The following MMADHC variants were observed in gnomAD, a reference collection of about 807,000 sequenced individuals.
MMADHC encodes metabolism of cobalamin associated D, also known as cobalamin trafficking protein CblD.
Under a neutral mutation model 36.3 loss-of-function variants are expected in MMADHC, and 23 were observed. The observed-to-expected ratio is 0.63, with a 90% confidence interval of 0.46 to 0.90. The LOEUF is 0.90. Ranked by LOEUF, MMADHC falls within the 40% of genes least tolerant of loss-of-function variation. The pLI is 0.00. For synonymous variants in MMADHC, 97 were observed against 116.1 expected, an observed-to-expected ratio of 0.84 and a Z score of 1.06; for missense variants, 330 against 348.0, an observed-to-expected ratio of 0.95 and a Z score of 0.41.
At chr2:149,580,582 A>G (rs988030137) in intron 3 of MMADHC, among the ~76,000 whole-genome samples, 9 of 152,214 alleles carry the variant, frequency 5.9e-5, no homozygotes, top group African/African-American at 2.2e-4. Context: ...AAACAGAGGG[A>G]CAACTGCTAT....
Position 149,571,697 on chromosome 2 carries a change from G to A in MMADHC, c.610-526C>T, listed in dbSNP as rs937961383. Reference sequence around the variant, plus strand: ...CGGGAGGCTGAGGCAGGAGAATGGCGTGAACCCGGGAGGCAGAGCTTGCAG... The same window carrying A: ...CGGGAGGCTGAGGCAGGAGAATGGCATGAACCCGGGAGGCAGAGCTTGCAG... On this transcript the variant is annotated intron_variant, in intron 6 of 7. Coordinates refer to ENST00000303319, the MANE Select transcript of MMADHC (RefSeq NM_015702.3). Among the ~76,000 whole-genome samples the A allele has an allele frequency of 4.0e-5, 6 of 151,262 alleles. No homozygotes were observed. In the East Asian group the frequency reaches 9.8e-4, roughly 25 times the overall value.
In MMADHC at chr2:149,576,527, C is replaced by A. The variant is rs1682721277; in HGVS notation, c.388G>T (p.Val130Phe). ...VNEFQGNDAP[V>F]EQEINSAETY... ...TCTGCACTGTTAATTTCTTGTTCAA[C>A]AGGTGCATCATTACCCTAAGGGGAA... is the stretch of plus-strand genomic sequence containing the variant. The change falls in exon 5 of 8, where the codon GTT (valine) becomes TTT (phenylalanine). Residue 130 changes from valine (V) to phenylalanine (F), a missense_variant. Transcript: ENST00000303319. 1.2e-6 allele frequency: 2 copies of A among 1,612,254 alleles called. No individual in the cohort carries two copies. Among genetic ancestry groups the A allele is most frequent in the South Asian group, 1.1e-5 (1 of 91,058 alleles).
chr2:149,582,084 T>C lies in MMADHC; in HGVS notation c.154+43A>G, dbSNP rs1428481740. 1.1e-5 allele frequency: 17 copies of C among 1,608,114 alleles called. No homozygotes were observed. The Admixed American group carries it at 2.8e-4, about 27-fold the overall frequency. On this transcript the variant is annotated intron_variant, in intron 3 of 7. Coordinates refer to ENST00000303319, the MANE Select transcript of MMADHC (RefSeq NM_015702.3). ...TTAGAGGAAAATACAACTAAAAATG[T>C]TTTGAAACAATTATAAGTAAAGCAG...
At chr2:149,572,292 T>C in intron 6 of MMADHC, 1 of 368,290 alleles carries the variant, frequency 2.7e-6, no homozygotes, top group Non-Finnish European at 5.2e-6. Context: ...TGAGCTGAGA[T>C]CATGCCACAG....
In MMADHC at chr2:149,576,556, G is replaced by C. The variant is rs1682722012; in HGVS notation, c.373-14C>G. 6 of 1,554,190 alleles carry C rather than the reference G, an allele frequency of 3.9e-6. No homozygotes were observed. Among genetic ancestry groups the C allele is most frequent in the Non-Finnish European group, 5.3e-6 (6 of 1,125,862 alleles). Reference sequence around the variant, plus strand: ...TGCATCATTACCCTAAGGGGAACAAGGATATAAGTCAACAAAATCTGGAGT... The same window carrying C: ...TGCATCATTACCCTAAGGGGAACAACGATATAAGTCAACAAAATCTGGAGT... On this transcript the variant is annotated splice_polypyrimidine_tract_variant and intron_variant, in intron 4 of 7. Transcript: ENST00000303319.
At chr2:149,577,753 C>T (rs998894518) in intron 4 of MMADHC, among the ~76,000 whole-genome samples, 1 of 152,220 alleles carries the variant, frequency 6.6e-6, no homozygotes, top group Non-Finnish European at 1.5e-5. Flanking sequence ...GGCACACTGG[C>T]TCACGCCTGT....
At position 149,569,757 on chromosome 2, in the gene MMADHC, C is replaced by T. The variant is rs566868341; in HGVS notation, c.*217G>A. On this transcript the variant is annotated 3_prime_UTR_variant, in exon 8 of 8. Coordinates refer to ENST00000303319, the MANE Select transcript of MMADHC (RefSeq NM_015702.3). The stretch of plus-strand genomic sequence containing the variant: ...CTGGTTACAAGCTAATTACCACATC[C>T]TATACAATGTGGATGTGTTCAACGT... The T allele has an allele frequency of 5.8e-5, 29 of 498,822 alleles. No homozygotes were observed. Among genetic ancestry groups the T allele is most frequent in the African/African-American group, 5.0e-4 (26 of 52,078 alleles). 30.9% of individuals were successfully genotyped at this position (498,822 alleles called of 1,614,324 possible).
At chr2:149,574,383 G>C (rs1171988924) in intron 6 of MMADHC, among the ~76,000 whole-genome samples, 1 of 152,194 alleles carries the variant, frequency 6.6e-6, no homozygotes, top group Non-Finnish European at 1.5e-5. Flanking sequence ...TAGCAGTTAT[G>C]TGACATTTAA....
At chr2:149,586,825 G>A (rs759621255) in intron 2 of MMADHC, 7 of 470,614 alleles carry the variant, frequency 1.5e-5, no homozygotes, top group African/African-American at 2.0e-5. Flanking sequence ...TTACTGAAAC[G>A]CTGTATTTAA....
rs1214894817 is a variant in MMADHC at position 149,571,179 on chromosome 2, G to A, written c.610-8C>T. ...CTTAGCACCATTGATGAACTGCAAT[G>A]GAAGTCACAAATAATATGCTTAAGA... On this transcript the variant is annotated splice_polypyrimidine_tract_variant and splice_region_variant and intron_variant, in intron 6 of 7. Coordinates refer to ENST00000303319, the MANE Select transcript of MMADHC (RefSeq NM_015702.3). 6.3e-7 allele frequency: 1 copy of A among 1,581,668 alleles called. No individual in the cohort carries two copies. Among genetic ancestry groups the A allele is most frequent in the African/African-American group, 1.3e-5 (1 of 74,330 alleles).
rs1573878813 is a variant in MMADHC, at chr2:149,579,656, G to GA, written c.155-9dup. 2 of 1,611,380 alleles carry GA rather than the reference G, an allele frequency of 1.2e-6. No homozygotes were observed. Among genetic ancestry groups the GA allele is most frequent in the African/African-American group, 1.3e-5 (1 of 74,868 alleles). The stretch of plus-strand genomic sequence containing the variant: ...GCCACACTGTTCGAGAGCCTGAAGA[G>GA]AAACAACAAAAGGAACAGTTTCTCC... On this transcript the variant is annotated splice_polypyrimidine_tract_variant and intron_variant, in intron 3 of 7. Transcript: ENST00000303319.
chr2:149,571,468 T>C (rs370796633), intron 6 of MMADHC, among the ~76,000 whole-genome samples: 20 of 152,336 alleles, frequency 1.3e-4, no homozygotes, highest in African/African-American at 4.8e-4. Flanking sequence ...CTTCTGAATC[T>C]GTCATAAACT....
In MMADHC at chr2:149,579,510, G is replaced by A; in HGVS notation, c.293C>T (p.Thr98Ile). The A allele has an allele frequency of 6.2e-7, 1 of 1,613,322 alleles. No homozygotes were observed. Among genetic ancestry groups the A allele is most frequent in the Non-Finnish European group, 8.5e-7 (1 of 1,179,980 alleles). The change falls in exon 4 of 8, where the codon ACT becomes ATT. Residue 98 changes from threonine to isoleucine, a missense_variant. Coordinates refer to ENST00000303319, the MANE Select transcript of MMADHC (RefSeq NM_015702.3). ...AGGTTCTGCTAGAACATCAGGCAAA[G>A]TTTTATGAACCAGGCTTTTCTTCTG... ...ASQKKSLVHK[T>I]LPDVLAEPLS... is the part of the protein sequence containing the mutation.
intron 4 of MMADHC, among the ~76,000 whole-genome samples, chr2:149,577,511 A>G (rs1396661314): frequency 6.6e-6 from 1 of 152,154 alleles, no homozygotes; most frequent in Admixed American, 6.5e-5. Context: ...GCAATGAGAA[A>G]CAGCAATATC....
intron 5 of MMADHC, 48 bp downstream of exon 5, chr2:149,576,389 T>A (rs1385572102): frequency 8.1e-7 from 1 of 1,237,360 alleles, no homozygotes; most frequent in East Asian, 2.3e-5. Flanking sequence ...TTATTCAACA[T>A]ATTAAAAAAA....
intron 4 of MMADHC, among the ~76,000 whole-genome samples, chr2:149,577,298 A>G (rs558209711): frequency 2.0e-5 from 3 of 152,330 alleles, no homozygotes; most frequent in East Asian, 3.9e-4. Flanking sequence ...TACAGAGGTT[A>G]GGAATTCAGG....
intron 4 of MMADHC, among the ~76,000 whole-genome samples, chr2:149,577,953 G>T (rs140841984): frequency 6.6e-6 from 1 of 152,330 alleles, no homozygotes; most frequent in Non-Finnish European, 1.5e-5. Context: ...GGGAGTTGCA[G>T]GTTGCAGTGA....
At chr2:149,572,483 C>T (rs1353718179) in intron 6 of MMADHC, among the ~76,000 whole-genome samples, 18 of 152,094 alleles carry the variant, frequency 1.2e-4, no homozygotes, top group Admixed American at 1.2e-3. Flanking sequence ...TGAGACAAGA[C>T]TATAATCTTT....
intron 6 of MMADHC, among the ~76,000 whole-genome samples, chr2:149,572,552 C>T (rs1206261243): frequency 6.6e-6 from 1 of 152,080 alleles, no homozygotes; most frequent in Admixed American, 6.5e-5. Context: ...TGTCTGTGGA[C>T]ATTTGCCTGT....
Sources: gnomAD v4.1 joint callset for allele counts (sites outside exome capture counted in the v4.1 genomes callset) on GRCh38, gnomAD v4.1.1 for gene constraint, MANE v1.5 for transcripts, NCBI Gene and HGNC (gene_info 2026-07-23, HGNC 2026-07-21) for gene names.